The following SDHA variants were observed in gnomAD, a reference collection of about 807,000 sequenced individuals.
SDHA encodes succinate dehydrogenase [ubiquinone] flavoprotein subunit, mitochondrial.
Under a neutral mutation model 78.4 loss-of-function variants are expected in SDHA, and 48 were observed. The observed-to-expected ratio is 0.61, with a 90% CI of 0.49 to 0.78. The LOEUF is 0.78. Ranked by LOEUF, SDHA falls within the 30% of genes least tolerant of loss-of-function variation. The probability of loss-of-function intolerance (pLI) is 0.00; values close to 1 mark genes in which losing one functional copy is unlikely to be tolerated. For missense variants in SDHA, 680 were observed against 892.7 expected, an observed-to-expected ratio of 0.76 and a Z score of 3.04; for synonymous variants, 326 against 353.9, an observed-to-expected ratio of 0.92 and a Z score of 0.88.
intron 10 of SDHA, among the ~76,000 whole-genome samples, chr5:237,984 C>T (rs796066160): frequency 2.2e-5 from 3 of 133,486 alleles, no homozygotes; most frequent in South Asian, 2.1e-4. Flanking sequence ...TGCACTTTGT[C>T]GCAGTGAGGA....
In SDHA at chr5:218,326, T is replaced by G; in HGVS notation, c.-30T>G. 1 of 1,445,556 alleles carries G rather than the reference T, an allele frequency of 6.9e-7. No homozygotes were observed. The highest frequency in any genetic ancestry group is 9.0e-7 in the Non-Finnish European group (1 of 1,107,700). The allele number at this position is 1,445,556 out of a possible 1,614,324, so 89.5% of individuals were successfully genotyped here. On this transcript the variant is annotated 5_prime_UTR_variant, in exon 1 of 15. Coordinates refer to ENST00000264932, the MANE Select transcript of SDHA (RefSeq NM_004168.4). ...GCGCAGGCGCAGTCTGCGCAGGGAC[T>G]GGCGGGACTGCGCGGCGGCAACAGC...
chr5:264,153 A>G, the SDHA span, among the ~76,000 whole-genome samples: 1 of 152,236 alleles, frequency 6.6e-6, no homozygotes. Flanking sequence ...GCTGTGGAGG[A>G]CAGGGGTCAA....
chr5:256,735 C>T lies in SDHA; in HGVS notation c.*315C>T, dbSNP rs1351785557. 1.4e-5 allele frequency: 5 copies of T among 354,946 alleles called. No individual in the cohort carries two copies. Among genetic ancestry groups the T allele is most frequent in the South Asian group, 4.5e-5 (1 of 22,124 alleles). 22.0% of individuals were successfully genotyped at this position (354,946 alleles called of 1,614,324 possible). A position where few individuals can be genotyped will look rare whatever the true frequency, so the allele number is the denominator to read the frequency against. Reference sequence around the variant, plus strand: ...AATATTTTACTGTTGTGACTTTAGTCATATTTGTTGACCTAAAAATCAAAT... The same window carrying T: ...AATATTTTACTGTTGTGACTTTAGTTATATTTGTTGACCTAAAAATCAAAT... On this transcript the variant is annotated 3_prime_UTR_variant, in exon 15 of 15. Transcript: ENST00000264932.
the SDHA span, among the ~76,000 whole-genome samples, chr5:268,457 C>T: frequency 1.2e-4 from 18 of 152,044 alleles, no homozygotes; most frequent in South Asian, 8.3e-4. Flanking sequence ...TGAGCCACCG[C>T]GCCTGGCCAG....
the SDHA span, among the ~76,000 whole-genome samples, chr5:267,992 G>A: frequency 1.3e-5 from 2 of 152,296 alleles, no homozygotes; most frequent in African/African-American, 2.4e-5. Context: ...GAGGACTTGT[G>A]AAGACAATGT....
At chr5:235,474 T>A in intron 9 of SDHA, 135 bp downstream of exon 9, 1 of 901,866 alleles carries the variant, frequency 1.1e-6, no homozygotes. Context: ...TTTTCTAGAT[T>A]GCACTTTAAA....
At chr5:222,484 A>G (rs1049770863) in intron 1 of SDHA, among the ~76,000 whole-genome samples, 1 of 151,322 alleles carries the variant, frequency 6.6e-6, no homozygotes, top group Non-Finnish European at 1.5e-5. Context: ...AGTAGCTGGG[A>G]TTACAGGTGC....
At position 251,104 on chromosome 5, in the gene SDHA, G is replaced by T. The variant is rs766667009; in HGVS notation, c.1663+1G>T. On this transcript the variant is annotated splice_donor_variant, in intron 12 of 14. Transcript: ENST00000264932. LOFTEE classifies it high-confidence loss of function. ...AAGCACCTGAAGACGTTCGACCGGGGTGAGCAGACAGTGGGCTCTGTGCAC... is the reference window on the plus strand; with the variant it reads ...AAGCACCTGAAGACGTTCGACCGGGTTGAGCAGACAGTGGGCTCTGTGCAC... 44 of 1,611,466 alleles carry T rather than the reference G, an allele frequency of 2.7e-5. No homozygotes were observed. Among genetic ancestry groups the T allele is most frequent in the Non-Finnish European group, 3.5e-5 (41 of 1,179,454 alleles).
intron 13 of SDHA, among the ~76,000 whole-genome samples, chr5:252,238 G>C (rs571792700): frequency 0.09 from 7,485 of 83,134 alleles, 1,049 homozygotes; most frequent in African/African-American, 0.29. Context: ...TATTAAATAA[G>C]GAGTAAGCCA....
intron 2 of SDHA, 103 bp from the exon 3 acceptor site, chr5:224,257 G>T: frequency 1.6e-6 from 2 of 1,247,268 alleles, no homozygotes; most frequent in Non-Finnish European, 1.2e-6. Context: ...TGTGTGCCCA[G>T]CAGTTGCTCC....
chr5:242,373 A>G (rs1736196703), intron 11 of SDHA, among the ~76,000 whole-genome samples: 1 of 152,190 alleles, frequency 6.6e-6, no homozygotes, highest in Admixed American at 6.5e-5. Context: ...TTCTTAAACC[A>G]CAAACAATAG....
At chr5:225,392 C>G in intron 3 of SDHA, 27 bp from the exon 4 acceptor site, 1 of 1,611,978 alleles carries the variant, frequency 6.2e-7, no homozygotes, top group Non-Finnish European at 8.5e-7. Context: ...CTGTTTGTGG[C>G]TTGTAAGGAG....
At chr5:264,289 A>G in the SDHA span, among the ~76,000 whole-genome samples, 1 of 152,222 alleles carries the variant, frequency 6.6e-6, no homozygotes, top group South Asian at 2.1e-4. Context: ...ATCTGAAATG[A>G]ATGAATCTAA....
intron 8 of SDHA, chr5:233,859 CAG>C (rs1735585740): frequency 3.7e-6 from 2 of 537,574 alleles, no homozygotes; most frequent in African/African-American, 1.9e-5. Flanking sequence ...ATCTGTGGAA[CAG>C]AGTTTCTCTT....
intron 7 of SDHA, 149 bp downstream of exon 7, chr5:231,149 AT>A: frequency 1.0e-6 from 1 of 969,430 alleles, no homozygotes; most frequent in Non-Finnish European, 1.6e-6. Flanking sequence ...CTTCAACGTC[AT>A]TTACCTAAGG....
rs569031091 is a variant in SDHA, at chr5:240,815, C to T, written c.1551+339C>T. Among the ~76,000 whole-genome samples, 9 of 152,304 alleles carry T rather than the reference C, an allele frequency of 5.9e-5. No individual in the cohort carries two copies. The South Asian group carries it at 1.9e-3, about 32-fold the overall frequency. ...GAGTCACTTCACTTAGGATAGTGAC[C>T]TCCTGTTCCATCCGTGTGGCTGCAG... On this transcript the variant is annotated intron_variant, in intron 11 of 14. Coordinates refer to ENST00000264932, the MANE Select transcript of SDHA (RefSeq NM_004168.4).
chr5:251,065 T>C lies in SDHA; in HGVS notation c.1625T>C (p.Leu542Pro), dbSNP rs1233761838. ...GAAGGTTGTGGGAAAATCAGCAAGC[T>C]CTATGGAGACCTAAAGCACCTGAAG... Reference protein sequence around the residue: ...LQEGCGKISKLYGDLKHLKTF... With the variant: ...LQEGCGKISKPYGDLKHLKTF... Residue 542 changes from leucine (L) to proline (P), a missense_variant, in exon 12 of 15, where the codon CTC (leucine) becomes CCC (proline). Physicochemically the swap from Leu to Pro is moderately conservative, Grantham distance 98. Transcript: ENST00000264932. 6.2e-7 allele frequency: 1 copy of C among 1,611,982 alleles called. No individual in the cohort carries two copies. Among genetic ancestry groups the C allele is most frequent in the Non-Finnish European group, 8.5e-7 (1 of 1,179,854 alleles).
intron 8 of SDHA, chr5:233,916 A>C (rs1388965143): frequency 2.3e-6 from 1 of 439,224 alleles, no homozygotes; most frequent in African/African-American, 2.0e-5. Flanking sequence ...AGAGACACAC[A>C]CCCAACCTGA....
At position 251,904 on chromosome 5, in the gene SDHA, C is replaced by T. The variant is rs555680210; in HGVS notation, c.1794+436C>T. On this transcript the variant is annotated intron_variant, in intron 13 of 14. Coordinates refer to ENST00000264932, the MANE Select transcript of SDHA (RefSeq NM_004168.4). Reference sequence around the variant, plus strand: ...GAGGAAATGCCAGTTTATTAAATAACGAGTAAGCCACCGTTTCAAACCTGC... The same window carrying T: ...GAGGAAATGCCAGTTTATTAAATAATGAGTAAGCCACCGTTTCAAACCTGC... 37 of 344,116 alleles carry T rather than the reference C, an allele frequency of 1.1e-4. 1 individual carries two copies. Among genetic ancestry groups the T allele is most frequent in the South Asian group, 6.9e-4 (32 of 46,110 alleles). The allele number at this position is 344,116 out of a possible 1,614,324, so 21.3% of individuals were successfully genotyped here.
Sources: gnomAD v4.1 joint callset for allele counts (sites outside exome capture counted in the v4.1 genomes callset) on GRCh38, gnomAD v4.1.1 for gene constraint, MANE v1.5 for transcripts, NCBI Gene and HGNC (gene_info 2026-07-23, HGNC 2026-07-21) for gene names.